Variants in NBEA observed in about 807,000 individuals in gnomAD.
The protein encoded by NBEA is lysosomal-trafficking regulator 2.
In NBEA, 44 loss-of-function variants were observed where a neutral mutation model predicts 343.4. The observed-to-expected ratio is 0.13, with a 90% CI of 0.10 to 0.16. The LOEUF (loss-of-function observed/expected upper bound fraction) is 0.16, where lower values mean the gene tolerates loss of function less well. Ranked by LOEUF, NBEA falls within the 10% of genes least tolerant of loss-of-function variation. The pLI is 1.00. For synonymous variants in NBEA, 1,175 were observed against 1,238.7 expected (o/e 0.95, Z 1.08); for missense variants, 2,555 against 3,631.3 (o/e 0.70, Z 7.62).
chr13:35,558,580 C>G (rs2079698052), intron 44 of NBEA, among the ~76,000 whole-genome samples: 3 of 152,138 alleles, frequency 2.0e-5, no homozygotes, highest in African/African-American at 4.8e-5. Context: ...GTCATTTGTT[C>G]TAGTTCAGTG....
intron 41 of NBEA, among the ~76,000 whole-genome samples, chr13:35,496,090 G>A (rs1332544092): frequency 3.3e-5 from 5 of 151,960 alleles, no homozygotes; most frequent in African/African-American, 1.2e-4. Context: ...GGAAGTTACA[G>A]CACAAAATAA....
Position 35,159,031 on chromosome 13 carries a change from C to A in NBEA, c.2860C>A (p.His954Asn). 1 of 1,602,386 alleles carries A rather than the reference C, an allele frequency of 6.2e-7. No homozygotes were observed. The highest frequency in any genetic ancestry group is 1.1e-5 in the South Asian group (1 of 88,816). ...TATTCCTAAGGTCACTTATGAAGCT[C>A]ATAAGGAATACCTAGCCAAAATGTA... ...IAHSKVTYEA[H>N]KEYLAKMYEE... is the part of the protein sequence containing the mutation. Residue 954 changes from histidine (H) to asparagine (N), a missense_variant, in exon 22 of 59, where the codon CAT (histidine) becomes AAT (asparagine). His to Asn is a moderately conservative substitution (Grantham distance 68). Coordinates refer to ENST00000379939, the MANE Select transcript of NBEA (RefSeq NM_001385012.1).
At chr13:35,508,625 G>A (rs9600885) in intron 41 of NBEA, among the ~76,000 whole-genome samples, 21,714 of 152,162 alleles carry the variant, frequency 0.14, 1,840 homozygotes, top group Admixed American at 0.23. Context: ...TGGCTGAGTG[G>A]TTGATAACAT....
chr13:35,224,822 T>G (rs1239557447), intron 33 of NBEA, among the ~76,000 whole-genome samples: 1 of 152,186 alleles, frequency 6.6e-6, no homozygotes, highest in Non-Finnish European at 1.5e-5. Flanking sequence ...AGTTGAAAAC[T>G]GGACATCATG....
chr13:35,284,202 G>T (rs1174425991), intron 34 of NBEA, among the ~76,000 whole-genome samples: 1 of 152,110 alleles, frequency 6.6e-6, no homozygotes, highest in East Asian at 1.9e-4. Flanking sequence ...TACAGAAAAA[G>T]TTTGCTGCCC....
chr13:35,085,327 A>G (rs569031711), intron 10 of NBEA, among the ~76,000 whole-genome samples: 51 of 152,252 alleles, frequency 3.3e-4, no homozygotes, highest in African/African-American at 1.1e-3. Flanking sequence ...CGATGCAAAA[A>G]TCCTCAATAA....
chr13:35,393,886 G>T (rs1166689589), intron 38 of NBEA, among the ~76,000 whole-genome samples: 1 of 151,998 alleles, frequency 6.6e-6, no homozygotes, highest in East Asian at 1.9e-4. Flanking sequence ...CTAATTAGAA[G>T]TTATTCTCTA....
At chr13:35,495,646 A>G (rs957943849) in intron 41 of NBEA, among the ~76,000 whole-genome samples, 1 of 152,002 alleles carries the variant, frequency 6.6e-6, no homozygotes, top group African/African-American at 2.4e-5. Flanking sequence ...AGACTCAAAC[A>G]ACACTATAAA....
chr13:34,971,992 A>G (rs944827946), intron 1 of NBEA, among the ~76,000 whole-genome samples: 1 of 151,856 alleles, frequency 6.6e-6, no homozygotes, highest in African/African-American at 2.4e-5. Flanking sequence ...TTTGGTTGGT[A>G]GGCTATTACT....
At position 35,375,093 on chromosome 13, in the gene NBEA, TA is replaced by T. The variant is rs200897765; in HGVS notation, c.6179+22772del. The stretch of plus-strand genomic sequence containing the variant: ...TTATTTATTAAAATTAGAATGTGCA[TA>T]AGACTGCTTTTCATCTCTCAGTATT... On this transcript the variant is annotated intron_variant, in intron 38 of 58. Coordinates refer to ENST00000379939, the MANE Select transcript of NBEA (RefSeq NM_001385012.1). 2.6e-5 allele frequency among the ~76,000 whole-genome samples: 4 copies of T among 152,162 alleles called. No individual in the cohort carries two copies. The East Asian group carries it at 7.7e-4, about 29-fold the overall frequency.
intron 19 of NBEA, 112 bp from the exon 20 acceptor site, chr13:35,155,971 G>GT: frequency 6.8e-7 from 1 of 1,476,642 alleles, no homozygotes; most frequent in Non-Finnish European, 9.3e-7. Flanking sequence ...GTTCATGACA[G>GT]TTTTAACTCA....
intron 48 of NBEA, among the ~76,000 whole-genome samples, chr13:35,610,061 T>A (rs1593359222): frequency 6.6e-6 from 1 of 152,186 alleles, no homozygotes. Context: ...GAAAAATAAT[T>A]TGTTTGCTAT....
chr13:34,992,448 A>G (rs1047860715), intron 1 of NBEA, among the ~76,000 whole-genome samples: 7 of 150,822 alleles, frequency 4.6e-5, no homozygotes, highest in Non-Finnish European at 1.0e-4. Context: ...GAGAGATGGC[A>G]TTTCACCATG....
chr13:35,633,134 G>T (rs1183476598), intron 49 of NBEA, among the ~76,000 whole-genome samples: 1 of 151,044 alleles, frequency 6.6e-6, no homozygotes, highest in Non-Finnish European at 1.5e-5. Flanking sequence ...ACAGAGTCTC[G>T]CTCTGTCGCC....
Position 35,352,158 on chromosome 13 carries a change from C to T in NBEA, c.6014C>T (p.Ser2005Leu), listed in dbSNP as rs1326751174. ...EDVHKHAEFESQCAQYAADRR... is the reference protein window; with the variant it reads ...EDVHKHAEFELQCAQYAADRR... Reference sequence around the variant, plus strand: ...TGCATCATTTGTATTTCTTTATAGTCACAGTGTGCCCAATATGCTGCTGAT... The same window carrying T: ...TGCATCATTTGTATTTCTTTATAGTTACAGTGTGCCCAATATGCTGCTGAT... Residue 2005 changes from serine (S) to leucine (L), a missense_variant and splice_region_variant, in exon 38 of 59, where the codon TCA becomes TTA. Ser to Leu is a moderately radical substitution (Grantham distance 145). Around this residue, in one of 21 missense-constraint regions of NBEA, gnomAD observed 246 missense variants for 313.7 expected, o/e 0.78. Transcript: ENST00000379939. 2 of 1,445,846 alleles carry T rather than the reference C, an allele frequency of 1.4e-6. No homozygotes were observed. The highest frequency in any genetic ancestry group is 1.7e-5 in the South Asian group (1 of 60,002). 89.6% of individuals were successfully genotyped at this position (1,445,846 alleles called of 1,614,324 possible).
intron 38 of NBEA, among the ~76,000 whole-genome samples, chr13:35,394,916 A>G (rs1363854549): frequency 6.6e-6 from 1 of 152,102 alleles, no homozygotes; most frequent in Non-Finnish European, 1.5e-5. Context: ...CCTTCTACAC[A>G]CTGCCTTAAC....
intron 56 of NBEA, 133 bp from the exon 57 acceptor site, chr13:35,667,241 G>A (rs1448955163): frequency 4.3e-6 from 3 of 701,982 alleles, no homozygotes; most frequent in East Asian, 5.2e-5. Flanking sequence ...CGCTTGGCCT[G>A]GCCAGCCTAC....
intron 40 of NBEA, among the ~76,000 whole-genome samples, chr13:35,471,551 A>G (rs772374023): frequency 5.3e-5 from 8 of 152,194 alleles, no homozygotes; most frequent in Non-Finnish European, 1.2e-4. Flanking sequence ...ACTTTACAGA[A>G]AACATTTAGG....
chr13:35,575,028 C>T (rs1276204025), intron 45 of NBEA, among the ~76,000 whole-genome samples: 1 of 152,134 alleles, frequency 6.6e-6, no homozygotes. Context: ...GCGTGAGCCA[C>T]CATGCGGCCA....
Sources: allele counts gnomAD v4.1 joint callset (sites outside exome capture counted in the v4.1 genomes callset), GRCh38; gene constraint gnomAD v4.1.1; regional missense constraint gnomAD v4.1.1; transcripts MANE v1.5; gene names NCBI Gene and HGNC (gene_info 2026-07-23, HGNC 2026-07-21).